BLVRA: variants seen among roughly 807,000 people sequenced by gnomAD.
BLVRA encodes biliverdin reductase A, also known as BVR A.
Under a neutral mutation model 32.8 loss-of-function variants are expected in BLVRA, and 22 were observed. The observed-to-expected ratio is 0.67, with a 90% CI of 0.48 to 0.96. The LOEUF (loss-of-function observed/expected upper bound fraction) is 0.96. BLVRA is among the 40% of genes least tolerant of loss of function. BLVRA has a pLI of 0.00. For synonymous variants in BLVRA, 119 were observed against 141.3 expected (o/e 0.84, Z 1.12); for missense variants, 323 against 358.1 (o/e 0.90, Z 0.79).
At chr7:43,767,456 G>T in intron 1 of BLVRA, 1 of 1,490,762 alleles carries the variant, frequency 6.7e-7, no homozygotes, top group Non-Finnish European at 9.3e-7. Context: ...TATATCTGGA[G>T]GCGCCCTTGG....
chr7:43,798,507 T>C (rs2095795286), intron 5 of BLVRA, among the ~76,000 whole-genome samples: 1 of 152,230 alleles, frequency 6.6e-6, no homozygotes, highest in African/African-American at 2.4e-5. Context: ...TGTTACTTTT[T>C]ATTATTCATA....
At chr7:43,803,574 C>T (rs1345583462) in intron 6 of BLVRA, 102 bp from the exon 7 acceptor site, 21 of 1,333,292 alleles carry the variant, frequency 1.6e-5, no homozygotes, top group Non-Finnish European at 2.0e-5. Flanking sequence ...ACTGATCACT[C>T]GGCCACATCT....
At chr7:43,779,866 A>G (rs1199959416) in intron 2 of BLVRA, among the ~76,000 whole-genome samples, 2 of 151,150 alleles carry the variant, frequency 1.3e-5, no homozygotes, top group African/African-American at 2.4e-5. Context: ...TATATATTTT[A>G]TATTTTTTTT....
At chr7:43,778,995 A>G (rs910192074) in intron 2 of BLVRA, among the ~76,000 whole-genome samples, 1 of 151,380 alleles carries the variant, frequency 6.6e-6, no homozygotes. Flanking sequence ...GCTGTTTTTT[A>G]AGCCTGTTGG....
In BLVRA at chr7:43,801,180, G is replaced by A. The variant is rs118024890; in HGVS notation, c.460+608G>A. Among the ~76,000 whole-genome samples the A allele has an allele frequency of 2.1e-3, 325 of 152,128 alleles. 7 individuals are homozygous for A. In the East Asian group the frequency reaches 0.055, roughly 26 times the overall value. ...ATACCCAGCTAATTTTAAAATTTGTGTAAACAGTGTCTCCCTATGTTGCCC... is the reference window on the plus strand; with the variant it reads ...ATACCCAGCTAATTTTAAAATTTGTATAAACAGTGTCTCCCTATGTTGCCC... On this transcript the variant is annotated intron_variant, in intron 6 of 7. Coordinates refer to ENST00000265523, the MANE Select transcript of BLVRA (RefSeq NM_000712.4).
chr7:43,796,121 C>CAAAAAAAAAAAAAAAAA (rs371922009), intron 5 of BLVRA, among the ~76,000 whole-genome samples: 1 of 66,692 alleles, frequency 1.5e-5, no homozygotes, highest in Admixed American at 1.5e-4. Context: ...CTCTGTCTCA[C>CAAAAAAAAAAAAAAAAA]AAAAAAAAAA....
intron 2 of BLVRA, among the ~76,000 whole-genome samples, chr7:43,779,501 A>G (rs974156339): frequency 5.3e-5 from 8 of 152,240 alleles, no homozygotes; most frequent in Admixed American, 2.0e-4. Flanking sequence ...ACACATGTTC[A>G]TAGTGTAAAA....
At chr7:43,772,110 C>T (rs17239488) in intron 2 of BLVRA, among the ~76,000 whole-genome samples, 69 of 152,332 alleles carry the variant, frequency 4.5e-4, no homozygotes, top group African/African-American at 1.6e-3. Context: ...GTGGCTTTTT[C>T]CTGGAAGTCC....
intron 5 of BLVRA, among the ~76,000 whole-genome samples, chr7:43,794,715 A>G (rs2095789848): frequency 5.9e-5 from 9 of 152,168 alleles, no homozygotes; most frequent in Admixed American, 4.6e-4. Flanking sequence ...AGCCTGGGTA[A>G]CACCATGAAA....
intron 6 of BLVRA, among the ~76,000 whole-genome samples, chr7:43,801,495 A>C (rs1215312474): frequency 6.6e-6 from 1 of 152,216 alleles, no homozygotes; most frequent in African/African-American, 2.4e-5. Flanking sequence ...GGAGACCCTG[A>C]CATGGCCTGG....
In BLVRA at chr7:43,800,455, G is replaced by T. The variant is rs1168315320; in HGVS notation, c.353-10G>T. The T allele has an allele frequency of 6.2e-7, 1 of 1,613,372 alleles. No homozygotes were observed. The highest frequency in any genetic ancestry group is 8.5e-7 in the Non-Finnish European group (1 of 1,179,472). ...CGACTGCCCTTTTTATTCCATTTTT[G>T]TCGTTACAGGAAAAGTCTTGCACGA... is the stretch of plus-strand genomic sequence containing the variant. On this transcript the variant is annotated splice_polypyrimidine_tract_variant and intron_variant, in intron 5 of 7. Transcript: ENST00000265523.
At chr7:43,791,112 C>A (rs2095785372) in intron 3 of BLVRA, 137 bp from the exon 4 acceptor site, 1 of 1,483,764 alleles carries the variant, frequency 6.7e-7, no homozygotes, top group African/African-American at 1.4e-5. Flanking sequence ...GGAAAATAGC[C>A]TGGAAGTGGG....
At chr7:43,770,733 G>GA (rs1171713035) in intron 1 of BLVRA, among the ~76,000 whole-genome samples, 5 of 151,552 alleles carry the variant, frequency 3.3e-5, no homozygotes, top group African/African-American at 7.3e-5. Context: ...CAGCTAGGAA[G>GA]AAAAAAAAGT....
intron 1 of BLVRA, among the ~76,000 whole-genome samples, chr7:43,762,965 A>G (rs1048522018): frequency 1.8e-4 from 27 of 151,994 alleles, no homozygotes; most frequent in Admixed American, 5.9e-4. Context: ...TGCTGGGGGG[A>G]AAACGGTATG....
At chr7:43,767,478 A>G (rs1017021247) in intron 1 of BLVRA, 12 of 1,369,630 alleles carry the variant, frequency 8.8e-6, no homozygotes, top group Non-Finnish European at 1.1e-5. Flanking sequence ...ATATCCAATA[A>G]GGACAGCTGT....
At chr7:43,772,843 C>G (rs1039138229) in intron 2 of BLVRA, among the ~76,000 whole-genome samples, 2 of 152,208 alleles carry the variant, frequency 1.3e-5, no homozygotes, top group South Asian at 2.1e-4. Flanking sequence ...CACCTGGCTC[C>G]TCCCTTGACA....
At chr7:43,798,798 T>C (rs991076172) in intron 5 of BLVRA, among the ~76,000 whole-genome samples, 2 of 152,136 alleles carry the variant, frequency 1.3e-5, no homozygotes, top group Admixed American at 6.6e-5. Context: ...TGGATACGGA[T>C]GTGTGTGTGT....
intron 5 of BLVRA, 175 bp from the exon 6 acceptor site, chr7:43,800,290 T>G: frequency 1.5e-6 from 1 of 646,048 alleles, no homozygotes; most frequent in South Asian, 1.7e-5. Flanking sequence ...AGCTTAGAAG[T>G]AGCAGCCTCT....
chr7:43,760,799 C>T (rs2095741420), intron 1 of BLVRA, among the ~76,000 whole-genome samples: 1 of 144,158 alleles, frequency 6.9e-6, no homozygotes, highest in African/African-American at 2.6e-5. Flanking sequence ...GATGGAGTCT[C>T]ACTGTGTCGC....
Sources: gnomAD v4.1 joint callset for allele counts (sites outside exome capture counted in the v4.1 genomes callset) on GRCh38, gnomAD v4.1.1 for gene constraint, MANE v1.5 for transcripts, NCBI Gene and HGNC (gene_info 2026-07-23, HGNC 2026-07-21) for gene names.